SORCS2: variants seen among roughly 807,000 people sequenced by gnomAD.
SORCS2 encodes the protein sortilin related VPS10 domain containing receptor 2.
In SORCS2, 100 loss-of-function variants were observed where a neutral mutation model predicts 141.6. The observed-to-expected ratio is 0.71, with a 90% confidence interval of 0.60 to 0.83. SORCS2 has a LOEUF of 0.83. SORCS2 is among the 40% of genes least tolerant of loss of function. The probability of loss-of-function intolerance (pLI) is 0.00; values close to 1 mark genes in which losing one functional copy is unlikely to be tolerated. For synonymous variants in SORCS2, 789 were observed against 676.9 expected, an observed-to-expected ratio of 1.17 and a Z score of -2.57; for missense variants, 1,646 against 1,560.2, an observed-to-expected ratio of 1.05 and a Z score of -0.93.
At chr4:7,194,073 G>C (rs966947288) in intron 1 of SORCS2, among the ~76,000 whole-genome samples, 7 of 152,134 alleles carry the variant, frequency 4.6e-5, no homozygotes, top group Non-Finnish European at 1.0e-4. Context: ...GGCAGCCCCT[G>C]GTGGGGCTCT....
chr4:7,414,135 T>C (rs902805692), intron 2 of SORCS2, among the ~76,000 whole-genome samples: 4 of 152,178 alleles, frequency 2.6e-5, no homozygotes, highest in African/African-American at 7.2e-5. Flanking sequence ...TAAATCCCAT[T>C]AACGGATGCA....
intron 1 of SORCS2, among the ~76,000 whole-genome samples, chr4:7,229,330 G>A (rs559204485): frequency 5.3e-5 from 8 of 151,752 alleles, no homozygotes; most frequent in African/African-American, 1.9e-4. Flanking sequence ...CAGCTGACAG[G>A]AGCCCCTCTC....
chr4:7,309,064 G>A (rs936401128), intron 1 of SORCS2, among the ~76,000 whole-genome samples: 6 of 152,194 alleles, frequency 3.9e-5, no homozygotes, highest in Non-Finnish European at 8.8e-5. Flanking sequence ...ACACTGGACC[G>A]TGGTGCCTGG....
At chr4:7,246,486 C>A in intron 1 of SORCS2, among the ~76,000 whole-genome samples, 1 of 130,962 alleles carries the variant, frequency 7.6e-6, no homozygotes, top group Non-Finnish European at 1.6e-5. Flanking sequence ...CACGTCTCAC[C>A]TGGGGCTTAA....
intron 1 of SORCS2, among the ~76,000 whole-genome samples, chr4:7,238,293 G>A (rs4689095): frequency 0.3 from 45,608 of 151,972 alleles, 7,275 homozygotes; most frequent in East Asian, 0.48. Flanking sequence ...GGGAGTCTGG[G>A]GGGGGTTGCT....
intron 3 of SORCS2, among the ~76,000 whole-genome samples, chr4:7,539,441 C>T (rs903877368): frequency 2.0e-5 from 3 of 152,198 alleles, no homozygotes; most frequent in Non-Finnish European, 4.4e-5. Context: ...ACTCTGTGTG[C>T]TTGCCAGAAC....
intron 21 of SORCS2, among the ~76,000 whole-genome samples, chr4:7,727,630 T>C (rs961310203): frequency 1.6e-4 from 25 of 152,190 alleles, no homozygotes; most frequent in Admixed American, 1.4e-3. Flanking sequence ...TCTTCATTCA[T>C]TGTTGGGCTG....
At chr4:7,247,224 T>C (rs1366740289) in intron 1 of SORCS2, among the ~76,000 whole-genome samples, 1 of 152,182 alleles carries the variant, frequency 6.6e-6, no homozygotes, top group East Asian at 1.9e-4. Flanking sequence ...TTAGGAAGGC[T>C]TCAACCACCC....
In SORCS2 at chr4:7,742,624, C is replaced by T. The variant is rs187947403; in HGVS notation, c.*2360C>T. The T allele has an allele frequency of 6.6e-6, 1 of 152,188 alleles. No homozygotes were observed. Among genetic ancestry groups the T allele is most frequent in the African/African-American group, 2.4e-5 (1 of 41,434 alleles). 9.4% of individuals were successfully genotyped at this position (152,188 alleles called of 1,614,324 possible). A position where few individuals can be genotyped will look rare whatever the true frequency, so the allele number is the denominator to read the frequency against. On this transcript the variant is annotated 3_prime_UTR_variant, in exon 27 of 27. Coordinates refer to ENST00000507866, the MANE Select transcript of SORCS2 (RefSeq NM_020777.3). ...TCCCGTCTGTGCACCCATGGAGATCCAGGCGTGGGCCCGTGTCTGTCCCTG... is the reference window on the plus strand; with the variant it reads ...TCCCGTCTGTGCACCCATGGAGATCTAGGCGTGGGCCCGTGTCTGTCCCTG...
intron 3 of SORCS2, among the ~76,000 whole-genome samples, chr4:7,631,672 C>T (rs145938689): frequency 3.9e-5 from 6 of 152,254 alleles, no homozygotes; most frequent in African/African-American, 1.2e-4. Context: ...CCATGGGGTT[C>T]AGCTCCTATC....
At chr4:7,556,613 G>A (rs73084716) in intron 3 of SORCS2, among the ~76,000 whole-genome samples, 57,761 of 151,942 alleles carry the variant, frequency 0.38, 12,155 homozygotes, top group African/African-American at 0.56. Context: ...ATGTAGTCAT[G>A]TAACTAGGAT....
chr4:7,575,122 C>T (rs926499617), intron 3 of SORCS2, among the ~76,000 whole-genome samples: 5 of 152,186 alleles, frequency 3.3e-5, no homozygotes, highest in African/African-American at 7.2e-5. Context: ...TTGCCATAAC[C>T]GGCATCCCTA....
At chr4:7,530,403 C>T (rs534154231) in intron 2 of SORCS2, among the ~76,000 whole-genome samples, 236 of 152,284 alleles carry the variant, frequency 1.5e-3, no homozygotes, top group Middle Eastern at 3.4e-3. Flanking sequence ...CCCCCAGTCC[C>T]CTGAGCTCAG....
At chr4:7,477,082 G>A (rs1730343247) in intron 2 of SORCS2, among the ~76,000 whole-genome samples, 1 of 152,240 alleles carries the variant, frequency 6.6e-6, no homozygotes, top group African/African-American at 2.4e-5. Context: ...AGTGACCTCA[G>A]TGGAGGAGAA....
intron 1 of SORCS2, among the ~76,000 whole-genome samples, chr4:7,304,031 G>A (rs1717621918): frequency 6.6e-6 from 1 of 152,248 alleles, no homozygotes; most frequent in South Asian, 2.1e-4. Context: ...ATTTACAGAT[G>A]GAAACCCGAT....
chr4:7,238,171 A>C (rs901504314), intron 1 of SORCS2, among the ~76,000 whole-genome samples: 1 of 152,220 alleles, frequency 6.6e-6, no homozygotes, highest in Non-Finnish European at 1.5e-5. Flanking sequence ...CAACTCTTCC[A>C]TGAACCAGAT....
intron 3 of SORCS2, among the ~76,000 whole-genome samples, chr4:7,638,052 C>A (rs1720384685): frequency 6.6e-6 from 1 of 152,092 alleles, no homozygotes; most frequent in Non-Finnish European, 1.5e-5. Flanking sequence ...GACATCTCCT[C>A]ACTGGTGTGC....
rs371751039 is a variant in SORCS2 at position 7,540,033 on chromosome 4, T to G, written c.648+8404T>G. ...TATGGAGGCCCCGCCCCCTTTCTGC[T>G]GTGGAGGCCCCACCCCCTGCCTGTC... On this transcript the variant is annotated intron_variant, in intron 3 of 26. Transcript: ENST00000507866. 6.8e-4 allele frequency among the ~76,000 whole-genome samples: 87 copies of G among 127,624 alleles called. 2 individuals are homozygous for G. The East Asian group carries it at 0.021, about 30-fold the overall frequency. 83.7% of individuals were successfully genotyped at this position (127,624 alleles called of 152,430 possible).
intron 3 of SORCS2, among the ~76,000 whole-genome samples, chr4:7,560,525 G>A (rs149886689): frequency 0.024 from 3,722 of 152,270 alleles, 77 homozygotes; most frequent in Non-Finnish European, 0.036. Flanking sequence ...GAAGAGCATA[G>A]GAGAAGTGCT....
Sources: allele counts gnomAD v4.1 joint callset (sites outside exome capture counted in the v4.1 genomes callset), GRCh38; gene constraint gnomAD v4.1.1; transcripts MANE v1.5; gene names NCBI Gene and HGNC (gene_info 2026-07-23, HGNC 2026-07-21).